PTGFRN: variants seen among roughly 807,000 people sequenced by gnomAD.
The protein encoded by PTGFRN is prostaglandin F2 receptor inhibitor, also known as prostaglandin F2 receptor negative regulator.
Under a neutral mutation model 83.2 loss-of-function variants are expected in PTGFRN, and 35 were observed. The ratio of observed to expected loss-of-function variants is 0.42; its 90% confidence interval spans 0.32 to 0.56. PTGFRN has a LOEUF of 0.56. Among genes scored for constraint, PTGFRN ranks in the 20% least tolerant of loss-of-function variants. The pLI is 0.11. For synonymous variants in PTGFRN, 519 were observed against 498.6 expected, an observed-to-expected ratio of 1.04 and a Z score of -0.55; for missense variants, 1,051 against 1,179.5, an observed-to-expected ratio of 0.89 and a Z score of 1.60.
intron 6 of PTGFRN, among the ~76,000 whole-genome samples, chr1:116,973,322 C>G (rs1651056360): frequency 6.6e-6 from 1 of 152,112 alleles, no homozygotes; most frequent in Admixed American, 6.5e-5. Context: ...GCCTCCCCAA[C>G]CTCAGTAGTC....
intron 8 of PTGFRN, among the ~76,000 whole-genome samples, chr1:116,985,722 G>C (rs10923190): frequency 7.5e-6 from 1 of 134,226 alleles, no homozygotes; most frequent in Non-Finnish European, 1.6e-5. Context: ...AAAAAAAAAA[G>C]AGACTCCTTC....
Position 116,942,091 on chromosome 1 carries a change from C to T in PTGFRN, c.418+8C>T. ...ACACAGTGCAGGTTAAAGGTACAGT[C>T]CTCACATGGGCTTGTTATGCCAGGG... On this transcript the variant is annotated splice_region_variant and intron_variant, in intron 2 of 8. Transcript: ENST00000393203. 6.2e-7 allele frequency: 1 copy of T among 1,601,598 alleles called. No homozygotes were observed. Among genetic ancestry groups the T allele is most frequent in the Non-Finnish European group, 8.5e-7 (1 of 1,171,352 alleles).
rs1477830428 is a variant in PTGFRN, at chr1:116,941,530, G to T, written c.50-185G>T. The stretch of plus-strand genomic sequence containing the variant: ...GTTGTGTGAGAGATGCTCATTTTGA[G>T]GTTGCATTCCTGGCTCATTATTTAA... On this transcript the variant is annotated intron_variant, in intron 1 of 8. Transcript: ENST00000393203. The surrounding 1 kb of genome is among the most constrained non-coding windows in gnomAD (Gnocchi z 5.0). Among the ~76,000 whole-genome samples, 2 of 152,136 alleles carry T rather than the reference G, an allele frequency of 1.3e-5. No individual in the cohort carries two copies. Among genetic ancestry groups the T allele is most frequent in the Non-Finnish European group, 2.9e-5 (2 of 68,024 alleles).
chr1:116,990,166 C>T lies in PTGFRN; in HGVS notation c.*3199C>T, dbSNP rs955350571. ...GTGTGCAGATCCCTAGAAGAGAAAA[C>T]GCTGACTTTCTTTTTAAGTGTGGCA... On this transcript the variant is annotated 3_prime_UTR_variant, in exon 9 of 9. Transcript: ENST00000393203. 6.6e-6 allele frequency: 1 copy of T among 152,556 alleles called. No homozygotes were observed. The allele number at this position is 152,556 out of a possible 1,614,324, so 9.5% of individuals were successfully genotyped here. A position where few individuals can be genotyped will look rare whatever the true frequency, so the allele number is the denominator to read the frequency against.
chr1:116,979,483 G>A (rs373877290), intron 7 of PTGFRN, among the ~76,000 whole-genome samples: 3 of 152,078 alleles, frequency 2.0e-5, no homozygotes, highest in African/African-American at 4.8e-5. Context: ...CTACAAGGCT[G>A]CAGTAACCAA....
rs773350697 is a variant in PTGFRN at position 116,974,221 on chromosome 1, A to G, written c.2065A>G (p.Ile689Val). 1.9e-6 allele frequency: 3 copies of G among 1,601,750 alleles called. No homozygotes were observed. Among genetic ancestry groups the G allele is most frequent in the East Asian group, 2.2e-5 (1 of 44,766 alleles). Residue 689 changes from isoleucine (I) to valine (V), a missense_variant, in exon 7 of 9, where the codon ATA becomes GTA. Around this residue, in one of 3 missense-constraint regions of PTGFRN, gnomAD observed 719 missense variants for 836.6 expected, o/e 0.86. Coordinates refer to ENST00000393203, the MANE Select transcript of PTGFRN (RefSeq NM_020440.4). ...TGGCATTACTTTTTTTCCAGGTCCTATATTTAATGCTTCTGTGCATTCAGA... is the reference window on the plus strand; with the variant it reads ...TGGCATTACTTTTTTTCCAGGTCCTGTATTTAATGCTTCTGTGCATTCAGA... Reference protein sequence around the residue: ...IEIDFQTSGPIFNASVHSDTP... With the variant: ...IEIDFQTSGPVFNASVHSDTP...
chr1:116,955,212 C>T (rs1426574868), intron 4 of PTGFRN, among the ~76,000 whole-genome samples: 1 of 152,182 alleles, frequency 6.6e-6, no homozygotes, highest in East Asian at 1.9e-4. Flanking sequence ...ATGGTGTGGA[C>T]ATGAGCAGAC....
rs538766471 is a variant in PTGFRN, at chr1:116,926,836, C to T, written c.50-14879C>T. Among the ~76,000 whole-genome samples the T allele has an allele frequency of 8.5e-5, 13 of 152,122 alleles. No individual in the cohort carries two copies. The South Asian group carries it at 1.2e-3, about 15-fold the overall frequency. On this transcript the variant is annotated intron_variant, in intron 1 of 8. Transcript: ENST00000393203. Reference sequence around the variant, plus strand: ...TGTATTAGAGGAATTAGACCTTACACAATTATGGAAGGAGTTGGAGAAGTG... The same window carrying T: ...TGTATTAGAGGAATTAGACCTTACATAATTATGGAAGGAGTTGGAGAAGTG...
Position 116,910,092 on chromosome 1 carries a change from G to C in PTGFRN, c.-112G>C. 4 of 1,186,036 alleles carry C rather than the reference G, an allele frequency of 3.4e-6. No individual in the cohort carries two copies. Among genetic ancestry groups the C allele is most frequent in the East Asian group, 2.8e-5 (1 of 36,064 alleles). 73.5% of individuals were successfully genotyped at this position (1,186,036 alleles called of 1,614,324 possible). On this transcript the variant is annotated 5_prime_UTR_variant, in exon 1 of 9. Coordinates refer to ENST00000393203, the MANE Select transcript of PTGFRN (RefSeq NM_020440.4). ...CTCGCGAGGAGAGCGGAGCAGGCGC[G>C]CGGCCCAGGCGGAGGAGCGCCGACT...
At chr1:116,915,027 G>C (rs1423367390) in intron 1 of PTGFRN, among the ~76,000 whole-genome samples, 3 of 152,180 alleles carry the variant, frequency 2.0e-5, no homozygotes, top group Admixed American at 1.3e-4. Flanking sequence ...TAAGGAAACT[G>C]ATGCCCAGAA....
At chr1:116,954,881 A>G (rs535400897) in intron 4 of PTGFRN, among the ~76,000 whole-genome samples, 9 of 152,354 alleles carry the variant, frequency 5.9e-5, no homozygotes, top group East Asian at 3.9e-4. Flanking sequence ...AAATGCAAGG[A>G]AAGTATATAG....
chr1:116,942,155 G>C lies in PTGFRN; in HGVS notation c.418+72G>C, dbSNP rs1012695521. 7 of 1,514,628 alleles carry C rather than the reference G, an allele frequency of 4.6e-6. No individual in the cohort carries two copies. In the Admixed American group the frequency reaches 1.5e-4, roughly 33 times the overall value. The allele number at this position is 1,514,628 out of a possible 1,614,324, so 93.8% of individuals were successfully genotyped here. ...CTGCCCCTGGGCTGTGGTGGACTTT[G>C]TCAAGAGACTTAATTTCTCTGAGGC... is the stretch of plus-strand genomic sequence containing the variant. On this transcript the variant is annotated intron_variant, in intron 2 of 8. Transcript: ENST00000393203.
chr1:116,949,135 A>G (rs987618392), intron 3 of PTGFRN, 57 bp from the exon 4 acceptor site: 26 of 1,517,342 alleles, frequency 1.7e-5, no homozygotes, highest in Admixed American at 6.6e-5. Context: ...GAGGGTGGAG[A>G]ATAGAAGGGG....
chr1:116,949,147 A>G (rs1390963114), intron 3 of PTGFRN, 45 bp from the exon 4 acceptor site: 1 of 1,525,294 alleles, frequency 6.6e-7, no homozygotes. Flanking sequence ...TAGAAGGGGC[A>G]AACATAATCA....
At position 116,974,343 on chromosome 1, in the gene PTGFRN, C is replaced by T; in HGVS notation, c.2167+20C>T. The T allele has an allele frequency of 6.6e-7, 1 of 1,519,588 alleles. No individual in the cohort carries two copies. Among genetic ancestry groups the T allele is most frequent in the Non-Finnish European group, 9.1e-7 (1 of 1,095,364 alleles). The allele number at this position is 1,519,588 out of a possible 1,614,324, so 94.1% of individuals were successfully genotyped here. On this transcript the variant is annotated intron_variant, in intron 7 of 8. Coordinates refer to ENST00000393203, the MANE Select transcript of PTGFRN (RefSeq NM_020440.4). ...ATCCAGGTACCTCACTCCATCCTCACCCCTTCACCATGTTGCTTTCTGTAA... is the reference window on the plus strand; with the variant it reads ...ATCCAGGTACCTCACTCCATCCTCATCCCTTCACCATGTTGCTTTCTGTAA...
chr1:116,954,058 A>G (rs1570664133), intron 4 of PTGFRN, among the ~76,000 whole-genome samples: 2 of 151,990 alleles, frequency 1.3e-5, no homozygotes, highest in South Asian at 2.1e-4. Flanking sequence ...GGGTTTCGCC[A>G]CGTTGGCCAG....
intron 1 of PTGFRN, among the ~76,000 whole-genome samples, chr1:116,934,728 A>G (rs540545108): frequency 6.6e-6 from 1 of 152,264 alleles, no homozygotes; most frequent in East Asian, 1.9e-4. Flanking sequence ...CATCTGGAAT[A>G]CCTGGTAAGT....
At position 116,910,086 on chromosome 1, in the gene PTGFRN, A is replaced by G. The variant is rs998317558; in HGVS notation, c.-118A>G. 48 of 1,109,804 alleles carry G rather than the reference A, an allele frequency of 4.3e-5. No individual in the cohort carries two copies. Among genetic ancestry groups the G allele is most frequent in the Non-Finnish European group, 6.0e-5 (46 of 769,290 alleles). The allele number at this position is 1,109,804 out of a possible 1,614,324, so 68.7% of individuals were successfully genotyped here. On this transcript the variant is annotated 5_prime_UTR_variant, in exon 1 of 9. Transcript: ENST00000393203. Reference sequence around the variant, plus strand: ...TATCGGCTCGCGAGGAGAGCGGAGCAGGCGCGCGGCCCAGGCGGAGGAGCG... The same window carrying G: ...TATCGGCTCGCGAGGAGAGCGGAGCGGGCGCGCGGCCCAGGCGGAGGAGCG...
At chr1:116,939,710 T>C (rs899652022) in intron 1 of PTGFRN, among the ~76,000 whole-genome samples, 5 of 152,244 alleles carry the variant, frequency 3.3e-5, no homozygotes. Context: ...GTTTTTCTTT[T>C]CTATTACATT....
Sources: allele counts gnomAD v4.1 joint callset (sites outside exome capture counted in the v4.1 genomes callset), GRCh38; gene constraint gnomAD v4.1.1; regional missense constraint gnomAD v4.1.1; non-coding constraint Gnocchi (gnomAD v3.1); transcripts MANE v1.5; gene names NCBI Gene and HGNC (gene_info 2026-07-23, HGNC 2026-07-21).